Variants in ANKDD1A observed in about 807,000 individuals in gnomAD.
ANKDD1A encodes ankyrin repeat and death domain containing 1A, also known as ankyrin repeat and death domain-containing protein 1A.
In ANKDD1A, 59 loss-of-function variants were observed where a neutral mutation model predicts 63.5. The observed-to-expected ratio is 0.93, with a 90% CI of 0.75 to 1.15. The LOEUF (loss-of-function observed/expected upper bound fraction) is 1.15. Among genes scored for constraint, ANKDD1A ranks in the 50% most tolerant of loss-of-function variants. The pLI, the probability that ANKDD1A is intolerant of heterozygous loss-of-function variation, is 0.00. For synonymous variants in ANKDD1A, 266 were observed against 263.9 expected (o/e 1.01, Z -0.08); for missense variants, 632 against 656.4 (o/e 0.96, Z 0.41).
intron 9 of ANKDD1A, among the ~76,000 whole-genome samples, chr15:64,934,675 T>C (rs534942938): frequency 6.7e-6 from 1 of 149,406 alleles, no homozygotes; most frequent in Non-Finnish European, 1.5e-5. Context: ...AATTTTTTTT[T>C]TTTTTTTTTG....
chr15:64,939,160 ATG>A (rs2085160334), intron 9 of ANKDD1A, among the ~76,000 whole-genome samples: 1 of 151,472 alleles, frequency 6.6e-6, no homozygotes, highest in Non-Finnish European at 1.5e-5. Context: ...TAGGCTAGGC[ATG>A]GTAGCTTGCA....
chr15:64,931,987 G>C (rs1031884305), intron 8 of ANKDD1A: 1 of 237,938 alleles, frequency 4.2e-6, no homozygotes, highest in Admixed American at 5.1e-5. Flanking sequence ...TCCGCCTCCT[G>C]GGTTCAAGCA....
At chr15:64,932,257 T>C (rs1375278985) in intron 8 of ANKDD1A, 1 of 152,234 alleles carries the variant, frequency 6.6e-6, no homozygotes, top group East Asian at 1.9e-4. Flanking sequence ...TCATAACTGT[T>C]ACCCCAGAAA....
rs369938890 is a variant in ANKDD1A at position 64,947,445 on chromosome 15, G to T, written c.1203G>T (p.Lys401Asn). 8.7e-6 allele frequency: 14 copies of T among 1,614,102 alleles called. No individual in the cohort carries two copies. In the African/African-American group the frequency reaches 1.9e-4, roughly 22 times the overall value. Residue 401 changes from lysine to asparagine, a missense_variant, in exon 13 of 15, where the codon AAG becomes AAT. Transcript: ENST00000319580. ...CCTCTGGGAAGAGCTTGTCCTTTAA[G>T]CAGGACCATCGGCAGGAAACACAGC... ...SDPSGKSLSF[K>N]QDHRQETQQL...
chr15:64,934,500 CT>C lies in ANKDD1A; in HGVS notation c.867+283del, dbSNP rs546780732. On this transcript the variant is annotated intron_variant, in intron 9 of 14. Coordinates refer to ENST00000319580, the MANE Select transcript of ANKDD1A (RefSeq NM_182703.6). ...GCATTGGGGCTTTTTTTTTTCTTTT[CT>C]TTTTTTTTTTTTTTTTGAGACAGAG... Among the ~76,000 whole-genome samples, 705 of 125,584 alleles carry C rather than the reference CT, an allele frequency of 5.6e-3. 8 individuals carry two copies. Among genetic ancestry groups the C allele is most frequent in the African/African-American group, 0.017 (559 of 32,998 alleles). The allele number at this position is 125,584 out of a possible 152,430, so 82.4% of individuals were successfully genotyped here. A position where few individuals can be genotyped will look rare whatever the true frequency, so the allele number is the denominator to read the frequency against.
At chr15:64,920,562 T>C (rs2085000878) in intron 3 of ANKDD1A, among the ~76,000 whole-genome samples, 1 of 152,184 alleles carries the variant, frequency 6.6e-6, no homozygotes, top group Non-Finnish European at 1.5e-5. Flanking sequence ...ATTTATTTAT[T>C]TATTTTTGAG....
At chr15:64,921,493 A>G (rs917707540) in intron 3 of ANKDD1A, among the ~76,000 whole-genome samples, 2 of 151,756 alleles carry the variant, frequency 1.3e-5, no homozygotes, top group African/African-American at 4.8e-5. Flanking sequence ...TCCTGCCTCA[A>G]CCTCCCAAGT....
intron 3 of ANKDD1A, among the ~76,000 whole-genome samples, chr15:64,919,514 C>G (rs951046784): frequency 6.6e-6 from 1 of 151,988 alleles, no homozygotes; most frequent in Admixed American, 6.6e-5. Flanking sequence ...ATTTGAGGCT[C>G]TATGCGAGAT....
chr15:64,918,982 T>A (rs1429285536), intron 3 of ANKDD1A, among the ~76,000 whole-genome samples: 2 of 152,122 alleles, frequency 1.3e-5, no homozygotes, highest in Non-Finnish European at 2.9e-5. Flanking sequence ...TCTCTGTTTC[T>A]TTTGCAAATG....
intron 14 of ANKDD1A, among the ~76,000 whole-genome samples, chr15:64,953,047 C>G (rs1458989401): frequency 4.9e-5 from 1 of 20,390 alleles, no homozygotes; most frequent in African/African-American, 6.6e-5. Context: ...TTTCTTCTTT[C>G]CTCTCTTTTT....
chr15:64,940,689 C>T (rs919171967), intron 9 of ANKDD1A, among the ~76,000 whole-genome samples: 21 of 152,032 alleles, frequency 1.4e-4, no homozygotes, highest in African/African-American at 4.1e-4. Context: ...CCGCCCACCT[C>T]GGCCTCCCAA....
intron 1 of ANKDD1A, among the ~76,000 whole-genome samples, chr15:64,912,853 A>G (rs527801902): frequency 7.8e-4 from 119 of 152,338 alleles, no homozygotes; most frequent in African/African-American, 2.6e-3. Context: ...AATCAAGATT[A>G]GGTACATGGT....
chr15:64,927,517 C>CGG (rs1343716054), intron 6 of ANKDD1A, among the ~76,000 whole-genome samples: 2 of 151,686 alleles, frequency 1.3e-5, no homozygotes. Flanking sequence ...GGGTAAGGGA[C>CGG]GGGGACCAGA....
At chr15:64,926,026 C>T (rs531442148) in intron 4 of ANKDD1A, 40 bp from the exon 5 acceptor site, 3 of 1,572,758 alleles carry the variant, frequency 1.9e-6, no homozygotes, top group African/African-American at 2.7e-5. Context: ...AAAGGGCCTC[C>T]CTTCACAGAC....
rs747720047 is a variant in ANKDD1A, at chr15:64,917,125, G to A, written c.139-261G>A. Among the ~76,000 whole-genome samples, 31 of 152,328 alleles carry A rather than the reference G, an allele frequency of 2.0e-4. 1 individual carries two copies. The highest frequency in any genetic ancestry group is 3.4e-3 in the Middle Eastern group (1 of 294). On this transcript the variant is annotated intron_variant, in intron 2 of 14. Transcript: ENST00000319580. ...CGCCTCATCATCCCCAAGGTTAGGA[G>A]TTTATCCTGAGAGCCATGAGAAACT...
chr15:64,917,891 A>G lies in ANKDD1A; in HGVS notation c.267+377A>G, dbSNP rs187658144. 1.1e-3 allele frequency among the ~76,000 whole-genome samples: 166 copies of G among 152,370 alleles called. 1 individual carries two copies. Among genetic ancestry groups the G allele is most frequent in the African/African-American group, 3.8e-3 (158 of 41,586 alleles). On this transcript the variant is annotated intron_variant, in intron 3 of 14. Transcript: ENST00000319580. The stretch of plus-strand genomic sequence containing the variant: ...TCTGCCCTGGCTAACACTTCAATCA[A>G]AGTCTTGGATAAAGACTAATAATAG...
intron 14 of ANKDD1A, among the ~76,000 whole-genome samples, chr15:64,952,687 TCC>T (rs2085317321): frequency 6.8e-6 from 1 of 146,532 alleles, no homozygotes; most frequent in Non-Finnish European, 1.5e-5. Context: ...CTTCTTCCTC[TCC>T]TTTTTCTTCT....
chr15:64,933,117 CA>C (rs2085103537), intron 8 of ANKDD1A, among the ~76,000 whole-genome samples: 1 of 152,048 alleles, frequency 6.6e-6, no homozygotes, highest in Admixed American at 6.6e-5. Flanking sequence ...TGTCATGCCA[CA>C]GGGTCTCGGA....
At position 64,926,138 on chromosome 15, in the gene ANKDD1A, C is replaced by A. The variant is rs61740365; in HGVS notation, c.439C>A (p.Leu147Met). ...TGTGCTGGCGTTCATAATGGAGGAC[C>A]TGGAGGATGTGGCCCTGGACCACGT... ...VPVLAFIMED[L>M]EDVALDHVDK... is the part of the protein sequence containing the mutation. Residue 147 changes from leucine to methionine, a missense_variant, in exon 5 of 15, where the codon CTG becomes ATG. Coordinates refer to ENST00000319580, the MANE Select transcript of ANKDD1A (RefSeq NM_182703.6). The A allele has an allele frequency of 5.7e-4, 924 of 1,614,036 alleles. 3 individuals are homozygous for A. Among genetic ancestry groups the A allele is most frequent in the Middle Eastern group, 4.7e-3 (28 of 6,012 alleles).
Sources: gnomAD v4.1 joint callset for allele counts (sites outside exome capture counted in the v4.1 genomes callset) on GRCh38, gnomAD v4.1.1 for gene constraint, MANE v1.5 for transcripts, NCBI Gene and HGNC (gene_info 2026-07-23, HGNC 2026-07-21) for gene names.